The following GLIS3 variants were observed in gnomAD, a reference collection of about 807,000 sequenced individuals.
The protein encoded by GLIS3 is zinc finger protein GLIS3.
A neutral mutation model predicts 78.6 loss-of-function variants in GLIS3; 53 were observed. That is an observed-to-expected ratio of 0.67 (90% CI 0.54 to 0.85). GLIS3 has a LOEUF of 0.85. GLIS3 is among the 40% of genes least tolerant of loss of function. The pLI is 0.00. For missense variants in GLIS3, 1,703 were observed against 1,231.1 expected (o/e 1.38, Z -5.74); for synonymous variants, 684 against 509.9 (o/e 1.34, Z -4.60).
rs150723445 is a variant in GLIS3 at position 3,888,579 on chromosome 9, C to T, written c.2129-8984G>A. Among the ~76,000 whole-genome samples the T allele has an allele frequency of 9.6e-3, 1,458 of 152,314 alleles. 21 individuals are homozygous for T. The highest frequency in any genetic ancestry group is 0.012 in the Non-Finnish European group (787 of 68,022). Reference sequence around the variant, plus strand: ...TAACAACAGCCCTTCTGGAGAATTACGCTATAGCGAGGAGCTCACAGCTTC... The same window carrying T: ...TAACAACAGCCCTTCTGGAGAATTATGCTATAGCGAGGAGCTCACAGCTTC... On this transcript the variant is annotated intron_variant, in intron 7 of 10. Transcript: ENST00000381971.
intron 6 of GLIS3, among the ~76,000 whole-genome samples, chr9:3,915,186 T>C (rs1440674269): frequency 1.3e-5 from 2 of 152,170 alleles, no homozygotes; most frequent in Non-Finnish European, 2.9e-5. Flanking sequence ...GCCAAAGTCA[T>C]CTTCATGTTT....
intron 2 of GLIS3, among the ~76,000 whole-genome samples, chr9:4,170,147 G>T (rs1816248954): frequency 6.6e-6 from 1 of 152,142 alleles, no homozygotes; most frequent in South Asian, 2.1e-4. Context: ...TGATAAAAAA[G>T]AAATCAGTGT....
chr9:4,083,765 GA>G (rs1392851472), intron 4 of GLIS3, among the ~76,000 whole-genome samples: 1 of 152,176 alleles, frequency 6.6e-6, no homozygotes, highest in Non-Finnish European at 1.5e-5. Context: ...AGTGCAAGGA[GA>G]GCTATAAAAA....
At chr9:4,320,276 A>G (rs1021940343) in intron 2 of GLIS3, among the ~76,000 whole-genome samples, 6 of 152,114 alleles carry the variant, frequency 3.9e-5, no homozygotes, top group African/African-American at 1.4e-4. Flanking sequence ...CCCTAAAAGA[A>G]TTTGAGTTTG....
chr9:4,304,722 C>A (rs1193404263), upstream of GLIS3, among the ~76,000 whole-genome samples: 1 of 152,152 alleles, frequency 6.6e-6, no homozygotes, highest in Admixed American at 6.5e-5. Context: ...GAATTAAGCT[C>A]TGGAACAAAA....
chr9:4,195,914 A>T (rs1023101610), intron 2 of GLIS3, among the ~76,000 whole-genome samples: 3 of 152,224 alleles, frequency 2.0e-5, no homozygotes, highest in African/African-American at 7.2e-5. Context: ...AAATGCACCA[A>T]TCAGCACTTT....
intron 4 of GLIS3, among the ~76,000 whole-genome samples, chr9:4,019,569 G>A (rs1295270572): frequency 6.6e-6 from 1 of 152,052 alleles, no homozygotes; most frequent in Non-Finnish European, 1.5e-5. Context: ...GAAAGGCAGG[G>A]GAAATCAACA....
the GLIS3 span, among the ~76,000 whole-genome samples, chr9:4,406,493 T>A: frequency 6.6e-6 from 1 of 152,200 alleles, no homozygotes; most frequent in South Asian, 2.1e-4. Context: ...GCTAATTTTG[T>A]ATTTTCAGTA....
intron 4 of GLIS3, among the ~76,000 whole-genome samples, chr9:4,049,687 C>A (rs1204720799): frequency 1.3e-5 from 2 of 152,024 alleles, no homozygotes; most frequent in African/African-American, 2.4e-5. Context: ...AACATTTTTG[C>A]AATCTACCCA....
intron 4 of GLIS3, among the ~76,000 whole-genome samples, chr9:4,084,500 G>A (rs948292432): frequency 2.6e-5 from 4 of 152,138 alleles, no homozygotes; most frequent in Non-Finnish European, 5.9e-5. Context: ...TTCACACAAG[G>A]AGACGAGGAG....
chr9:4,269,603 T>A (rs1227517578), intron 2 of GLIS3, among the ~76,000 whole-genome samples: 1 of 152,256 alleles, frequency 6.6e-6, no homozygotes. Context: ...TACATCATTA[T>A]GTGTTCCAGT....
At position 4,120,740 on chromosome 9, in the gene GLIS3, C is replaced by A. The variant is rs552947511; in HGVS notation, c.597-1859G>T. 2.0e-4 allele frequency among the ~76,000 whole-genome samples: 30 copies of A among 152,286 alleles called. No individual in the cohort carries two copies. In the East Asian group the frequency reaches 5.6e-3, roughly 28 times the overall value. On this transcript the variant is annotated intron_variant, in intron 3 of 10. Coordinates refer to ENST00000381971, the MANE Select transcript of GLIS3 (RefSeq NM_001042413.2). ...ACCAGAGCTTTGGCAGAGCTACATG[C>A]CTGAATGGATGCACATTCTCAGGTG...
At chr9:4,427,809 A>C in the GLIS3 span, among the ~76,000 whole-genome samples, 1 of 152,000 alleles carries the variant, frequency 6.6e-6, no homozygotes, top group South Asian at 2.1e-4. Flanking sequence ...CAGTGAGCCA[A>C]GATTGTGCCA....
At chr9:3,942,222 A>T (rs888015355) in intron 4 of GLIS3, among the ~76,000 whole-genome samples, 5 of 152,332 alleles carry the variant, frequency 3.3e-5, no homozygotes, top group African/African-American at 1.2e-4. Flanking sequence ...GATGCCAGAC[A>T]TGCTTTTTAA....
intron 5 of GLIS3, chr9:3,932,900 G>T: frequency 3.1e-6 from 1 of 320,100 alleles, no homozygotes; most frequent in Non-Finnish European, 6.3e-6. Context: ...AAAAAAACTG[G>T]GTATTTTTCA....
intron 6 of GLIS3, among the ~76,000 whole-genome samples, chr9:3,903,420 T>A (rs1456894598): frequency 6.6e-6 from 1 of 152,232 alleles, no homozygotes; most frequent in Non-Finnish European, 1.5e-5. Flanking sequence ...CCACTGATTG[T>A]CAATTCACCT....
chr9:4,370,642 C>T, the GLIS3 span, among the ~76,000 whole-genome samples: 670 of 151,938 alleles, frequency 4.4e-3, 5 homozygotes, highest in African/African-American at 0.015. Context: ...AAATATTAAA[C>T]ATGCTATATT....
At chr9:4,097,837 C>G (rs1194720579) in intron 4 of GLIS3, among the ~76,000 whole-genome samples, 1 of 152,062 alleles carries the variant, frequency 6.6e-6, no homozygotes, top group Non-Finnish European at 1.5e-5. Flanking sequence ...AGTGGGAAGG[C>G]CCACTAACCA....
chr9:4,340,321 C>T (rs1233461667), intron 2 of GLIS3, among the ~76,000 whole-genome samples: 10 of 110,998 alleles, frequency 9.0e-5, no homozygotes, highest in Middle Eastern at 6.5e-3. Flanking sequence ...TGTCATTTTC[C>T]TTTATTTGCC....
Sources: allele counts gnomAD v4.1 joint callset (sites outside exome capture counted in the v4.1 genomes callset), GRCh38; gene constraint gnomAD v4.1.1; transcripts MANE v1.5; gene names NCBI Gene and HGNC (gene_info 2026-07-23, HGNC 2026-07-21).